UCKL1: variants seen among roughly 807,000 people sequenced by gnomAD.
UCKL1 encodes uridine-cytidine kinase 1 like 1.
UCKL1 carries 65 observed loss-of-function variants against 59.2 expected under a neutral mutation model. That is an observed-to-expected ratio of 1.10 (90% confidence interval 0.90 to 1.35). The LOEUF (loss-of-function observed/expected upper bound fraction) is 1.35. Among genes scored for constraint, UCKL1 ranks in the 40% most tolerant of loss-of-function variants. UCKL1 has a pLI of 0.00. For synonymous variants in UCKL1, 410 were observed against 323.1 expected, an observed-to-expected ratio of 1.27 and a Z score of -2.88; for missense variants, 703 against 784.3, an observed-to-expected ratio of 0.90 and a Z score of 1.24.
rs2054129578 is a variant in UCKL1 at position 63,940,690 on chromosome 20, G to A, written c.1206C>T (p.Ala402=). The A allele has an allele frequency of 1.9e-6, 3 of 1,608,124 alleles. No homozygotes were observed. Among genetic ancestry groups the A allele is most frequent in the East Asian group, 4.5e-5 (2 of 44,714 alleles). The change falls in exon 12 of 15, where the codon GCC becomes GCT. Residue 402 remains alanine, a synonymous_variant. Coordinates refer to ENST00000354216, the MANE Select transcript of UCKL1 (RefSeq NM_017859.4). Reference sequence around the variant, plus strand: ...GCAGCGCGGGCTCCATGGTTTCACCGGCGCGCAGAATGGACACACCGGTGA... The same window carrying A: ...GCAGCGCGGGCTCCATGGTTTCACCAGCGCGCAGAATGGACACACCGGTGA... ...KQITGVSILR[A]GETMEPALRA...
chr20:63,950,476 T>C (rs1335648994), intron 1 of UCKL1, among the ~76,000 whole-genome samples: 2 of 152,146 alleles, frequency 1.3e-5, no homozygotes, highest in African/African-American at 4.8e-5. Flanking sequence ...AAACCTCACT[T>C]CCTGTGCACA....
At chr20:63,956,145 G>T in intron 1 of UCKL1, 115 bp downstream of exon 1, 1 of 1,020,296 alleles carries the variant, frequency 9.8e-7, no homozygotes, top group Non-Finnish European at 1.3e-6. Flanking sequence ...CCGCCGCCTG[G>T]CCTCCGGGAG....
chr20:63,956,165 T>G, intron 1 of UCKL1, 95 bp downstream of exon 1: 2 of 1,200,456 alleles, frequency 1.7e-6, no homozygotes, highest in Non-Finnish European at 2.2e-6. Context: ...GTGGGGGACT[T>G]GGGCTCGCGG....
intron 1 of UCKL1, among the ~76,000 whole-genome samples, chr20:63,950,175 G>A (rs748309229): frequency 6.6e-5 from 10 of 152,194 alleles, no homozygotes; most frequent in Middle Eastern, 3.2e-3. Context: ...GGCCTGTGAC[G>A]GCGTCAGGCT....
chr20:63,940,866 G>A lies in UCKL1; in HGVS notation c.1117-10C>T, dbSNP rs1183895381. The A allele has an allele frequency of 2.0e-6, 3 of 1,532,708 alleles. No individual in the cohort carries two copies. The highest frequency in any genetic ancestry group is 1.3e-5 in the South Asian group (1 of 79,368). The allele number at this position is 1,532,708 out of a possible 1,614,324, so 94.9% of individuals were successfully genotyped here. On this transcript the variant is annotated splice_polypyrimidine_tract_variant and intron_variant, in intron 10 of 14. Coordinates refer to ENST00000354216, the MANE Select transcript of UCKL1 (RefSeq NM_017859.4). ...TCTGTACGACGCAGTCCTGTGGGGT[G>A]CAGGGTGAGGACTCCGGTGAGCGCA...
chr20:63,950,729 T>C, intron 1 of UCKL1: 3 of 1,498,274 alleles, frequency 2.0e-6, no homozygotes, highest in Non-Finnish European at 2.7e-6. Context: ...TGGGTGCCCC[T>C]CACGGCAGAG....
chr20:63,956,128 C>T, intron 1 of UCKL1, 132 bp downstream of exon 1: 1 of 891,980 alleles, frequency 1.1e-6, no homozygotes, highest in Non-Finnish European at 1.6e-6. Flanking sequence ...CGTGGGAGAA[C>T]GGGGCGCCGC....
In UCKL1 at chr20:63,943,784, C is replaced by G. The variant is rs1468454899; in HGVS notation, c.907-115G>C. On this transcript the variant is annotated intron_variant, in intron 7 of 14. Coordinates refer to ENST00000354216, the MANE Select transcript of UCKL1 (RefSeq NM_017859.4). ...ATGCTGCAGGCCCGCGGGGACACAG[C>G]CAGCCATGGGGGGTGGCAAGCTTCT... The G allele has an allele frequency of 1.1e-4, 162 of 1,480,784 alleles. 4 individuals are homozygous for G. The South Asian group carries it at 1.7e-3, about 15-fold the overall frequency. 91.7% of individuals were successfully genotyped at this position (1,480,784 alleles called of 1,614,324 possible).
intron 1 of UCKL1, among the ~76,000 whole-genome samples, chr20:63,947,671 C>G (rs954036770): frequency 2.6e-5 from 4 of 152,262 alleles, no homozygotes; most frequent in Non-Finnish European, 5.9e-5. Context: ...CTTGCTGTGG[C>G]CCCTCCTGGG....
In UCKL1 at chr20:63,940,276, A is replaced by G. The variant is rs1356542572; in HGVS notation, c.1441T>C (p.Leu481=). ...DHDVPEDKIF[L]LSLLMAEMGV... is the part of the protein sequence containing the mutation. Reference sequence around the variant, plus strand: ...ATCTCTGCCATGAGCAGCGACAGCAAAAAGATCTTGTCCTCAGGCACGTCG... The same window carrying G: ...ATCTCTGCCATGAGCAGCGACAGCAGAAAGATCTTGTCCTCAGGCACGTCG... The change falls in exon 14 of 15, where the codon TTG becomes CTG. Residue 481 remains leucine (L), a synonymous_variant. Transcript: ENST00000354216. The G allele has an allele frequency of 6.2e-7, 1 of 1,612,744 alleles. No individual in the cohort carries two copies. Among genetic ancestry groups the G allele is most frequent in the African/African-American group, 1.3e-5 (1 of 75,058 alleles).
chr20:63,942,762 G>A (rs986429771), intron 8 of UCKL1: 1 of 462,840 alleles, frequency 2.2e-6, no homozygotes, highest in Middle Eastern at 3.3e-4. Context: ...GTCTGGCTGC[G>A]TTCAGGTGTT....
intron 1 of UCKL1, among the ~76,000 whole-genome samples, chr20:63,949,183 T>C (rs954587288): frequency 6.6e-6 from 1 of 152,128 alleles, no homozygotes; most frequent in Non-Finnish European, 1.5e-5. Flanking sequence ...GCAGCCTCAC[T>C]CAGCCTCACC....
At chr20:63,941,389 T>C in intron 8 of UCKL1, 181 bp from the exon 9 acceptor site, 1 of 941,850 alleles carries the variant, frequency 1.1e-6, no homozygotes, top group Non-Finnish European at 1.6e-6. Context: ...CTACCTGAGC[T>C]GTCAGGCAAA....
chr20:63,941,364 G>T, intron 8 of UCKL1, 156 bp from the exon 9 acceptor site: 1 of 1,187,864 alleles, frequency 8.4e-7, no homozygotes, highest in South Asian at 1.5e-5. Context: ...GGCTGAGCTG[G>T]GGGGAGACGT....
In UCKL1 at chr20:63,940,269, G is replaced by A. The variant is rs755260045; in HGVS notation, c.1448C>T (p.Ser483Leu). The change falls in exon 14 of 15, where the codon TCG becomes TTG. Residue 483 changes from serine to leucine, a missense_variant. Transcript: ENST00000354216. ...DVPEDKIFLL[S>L]LLMAEMGVHS... ...CACGCCCATCTCTGCCATGAGCAGC[G>A]ACAGCAAAAAGATCTTGTCCTCAGG... The A allele has an allele frequency of 1.2e-6, 2 of 1,612,704 alleles. No homozygotes were observed. The highest frequency in any genetic ancestry group is 1.7e-6 in the Non-Finnish European group (2 of 1,179,984).
intron 1 of UCKL1, among the ~76,000 whole-genome samples, chr20:63,948,949 A>G (rs989535475): frequency 6.8e-6 from 1 of 148,006 alleles, no homozygotes; most frequent in Non-Finnish European, 1.5e-5. Context: ...CCAGGAGGAC[A>G]GTGTCCGTGT....
chr20:63,956,229 C>T (rs956702217), intron 1 of UCKL1, 31 bp downstream of exon 1: 7 of 1,496,166 alleles, frequency 4.7e-6, no homozygotes, highest in Non-Finnish European at 6.2e-6. Flanking sequence ...TTCCCGCTCG[C>T]CAGTGGAGTG....
chr20:63,950,861 G>C (rs1001479014), intron 1 of UCKL1: 1 of 1,482,128 alleles, frequency 6.7e-7, no homozygotes, highest in Admixed American at 2.5e-5. Context: ...CTGAACAGCA[G>C]AGTGGCCCCA....
rs2055656637 is a variant in UCKL1 at position 63,944,655 on chromosome 20, C to T, written c.734G>A (p.Arg245His). ...VRRLRRDISE[R>H]GRDIEGVIKQ... is the part of the protein sequence containing the mutation. ...GATGACACCCTCGATGTCCCGGCCG[C>T]GCTCACTGATGTCCCGGCGCAGCCG... is the stretch of plus-strand genomic sequence containing the variant. The change falls in exon 6 of 15, where the codon CGC (arginine) becomes CAC (histidine). Residue 245 changes from arginine (R) to histidine (H), a missense_variant. This residue lies in a region of UCKL1 where 398 missense variants were observed against 373.0 expected (regional missense o/e 1.07). Coordinates refer to ENST00000354216, the MANE Select transcript of UCKL1 (RefSeq NM_017859.4). 12 of 1,612,770 alleles carry T rather than the reference C, an allele frequency of 7.4e-6. No individual in the cohort carries two copies. The highest frequency in any genetic ancestry group is 9.3e-6 in the Non-Finnish European group (11 of 1,179,958).
Sources: gnomAD v4.1 joint callset for allele counts (sites outside exome capture counted in the v4.1 genomes callset) on GRCh38, gnomAD v4.1.1 for gene constraint, gnomAD v4.1.1 regional missense constraint, MANE v1.5 for transcripts, NCBI Gene and HGNC (gene_info 2026-07-23, HGNC 2026-07-21) for gene names.